PARD3B: variants seen among roughly 807,000 people sequenced by gnomAD.
PARD3B encodes par-3 family cell polarity regulator beta, also known as partitioning defective 3 homolog B.
Under a neutral mutation model 130.2 loss-of-function variants are expected in PARD3B, and 103 were observed. The observed-to-expected ratio is 0.79, with a 90% CI of 0.67 to 0.93. The LOEUF (loss-of-function observed/expected upper bound fraction) is 0.93. Among genes scored for constraint, PARD3B ranks in the 40% least tolerant of loss-of-function variants. PARD3B has a pLI of 0.00. For synonymous variants in PARD3B, 583 were observed against 553.2 expected, an observed-to-expected ratio of 1.05 and a Z score of -0.76; for missense variants, 1,609 against 1,499.2, an observed-to-expected ratio of 1.07 and a Z score of -1.21.
chr2:204,586,956 A>G (rs1321061810), intron 1 of PARD3B, among the ~76,000 whole-genome samples: 1 of 152,210 alleles, frequency 6.6e-6, no homozygotes, highest in African/African-American at 2.4e-5. Context: ...ATTGCCGTCC[A>G]GAAAAATCTA....
chr2:205,543,359 GAA>G (rs1335456092), intron 21 of PARD3B, among the ~76,000 whole-genome samples: 2 of 152,098 alleles, frequency 1.3e-5, no homozygotes, highest in Non-Finnish European at 2.9e-5. Context: ...CCAGCTATAA[GAA>G]ATAAATATTA....
chr2:204,981,211 T>C (rs1188894127), intron 3 of PARD3B, among the ~76,000 whole-genome samples: 1 of 152,056 alleles, frequency 6.6e-6, no homozygotes, highest in Non-Finnish European at 1.5e-5. Flanking sequence ...GCCATTTCAG[T>C]CCTAGGTAAC....
intron 1 of PARD3B, among the ~76,000 whole-genome samples, chr2:204,598,940 A>G (rs1354153866): frequency 1.3e-5 from 2 of 152,040 alleles, no homozygotes; most frequent in Non-Finnish European, 2.9e-5. Context: ...CTTTTCATCA[A>G]TATGGAAGAT....
chr2:204,756,837 T>A (rs750841439), intron 2 of PARD3B, among the ~76,000 whole-genome samples: 2 of 152,104 alleles, frequency 1.3e-5, no homozygotes, highest in Non-Finnish European at 2.9e-5. Context: ...ACTCTGAGGT[T>A]TGGGCTTCTA....
At chr2:204,622,963 A>T (rs1435969005) in intron 1 of PARD3B, among the ~76,000 whole-genome samples, 1 of 151,860 alleles carries the variant, frequency 6.6e-6, no homozygotes, top group African/African-American at 2.4e-5. Flanking sequence ...AGTATGTTTG[A>T]TACGTTCCCA....
At chr2:205,490,235 G>A (rs2049641712) in intron 20 of PARD3B, among the ~76,000 whole-genome samples, 1 of 151,918 alleles carries the variant, frequency 6.6e-6, no homozygotes, top group South Asian at 2.1e-4. Context: ...TTAACATTAG[G>A]TGTATCTCCT....
In PARD3B at chr2:205,263,312, A is replaced by AACAATTAAGATCAAGTGATT. The variant is rs1553652727; in HGVS notation, c.2185+17490_2185+17491insACAATTAAGATCAAGTGATT. Among the ~76,000 whole-genome samples, 180 of 151,740 alleles carry AACAATTAAGATCAAGTGATT rather than the reference A, an allele frequency of 1.2e-3. 4 individuals are homozygous for AACAATTAAGATCAAGTGATT. The highest frequency in any genetic ancestry group is 1.3e-3 in the Non-Finnish European group (89 of 67,802). ...AGGTGGTGGGGCAAAAACAGTGGGA[A>AACAATTAAGATCAAGTGATT]TATATGGAAGCAGCAAGGAACATAA... On this transcript the variant is annotated intron_variant, in intron 16 of 22. Transcript: ENST00000406610. This position sits in a 1 kb window ranked among gnomAD's most constrained non-coding sequence, Gnocchi z 4.0.
chr2:204,721,185 T>C (rs1160947279), intron 2 of PARD3B, among the ~76,000 whole-genome samples: 3 of 152,188 alleles, frequency 2.0e-5, no homozygotes, highest in African/African-American at 7.2e-5. Context: ...GAATAAATAT[T>C]GAGGGAGACA....
Position 205,405,721 on chromosome 2 carries a change from G to A in PARD3B, c.2741+4598G>A, listed in dbSNP as rs193141929. ...AACTTCAGGGGTTGACAATATGTCC[G>A]ATGACAGAATCAGCAGGAACAATGG... On this transcript the variant is annotated intron_variant, in intron 19 of 22. Coordinates refer to ENST00000406610, the MANE Select transcript of PARD3B (RefSeq NM_001302769.2). The surrounding 1 kb of genome is among the most constrained non-coding windows in gnomAD (Gnocchi z 4.1). Among the ~76,000 whole-genome samples the A allele has an allele frequency of 3.9e-5, 6 of 152,290 alleles. No homozygotes were observed. Among genetic ancestry groups the A allele is most frequent in the African/African-American group, 7.2e-5 (3 of 41,570 alleles).
At chr2:205,214,596 C>T (rs1032997796) in intron 15 of PARD3B, among the ~76,000 whole-genome samples, 7 of 151,890 alleles carry the variant, frequency 4.6e-5, no homozygotes, top group African/African-American at 1.2e-4. Flanking sequence ...AATGTAGCTT[C>T]ATAATTTATG....
chr2:204,707,622 G>A (rs1559076022), intron 2 of PARD3B, among the ~76,000 whole-genome samples: 1 of 152,032 alleles, frequency 6.6e-6, no homozygotes, highest in African/African-American at 2.4e-5. Context: ...GTGTGTTTGT[G>A]CATACACACA....
chr2:205,251,581 T>C (rs1000036320), intron 16 of PARD3B, among the ~76,000 whole-genome samples: 2 of 152,126 alleles, frequency 1.3e-5, no homozygotes, highest in East Asian at 3.8e-4. Context: ...AGTTATTAAA[T>C]GACATTTCAT....
intron 4 of PARD3B, among the ~76,000 whole-genome samples, chr2:205,073,253 C>T (rs1700848922): frequency 6.6e-6 from 1 of 152,094 alleles, no homozygotes. Flanking sequence ...GTGTAAACAG[C>T]AGTTTTCCTG....
chr2:204,860,487 A>G (rs1346737632), intron 2 of PARD3B, among the ~76,000 whole-genome samples: 1 of 152,218 alleles, frequency 6.6e-6, no homozygotes, highest in African/African-American at 2.4e-5. Flanking sequence ...CAACAAAGAG[A>G]CTTTTGGCTA....
rs1392717972 is a variant in PARD3B at position 204,993,937 on chromosome 2, A to AT, written c.394+28620dup. Among the ~76,000 whole-genome samples the AT allele has an allele frequency of 2.0e-5, 3 of 151,748 alleles. No individual in the cohort carries two copies. In the South Asian group the frequency reaches 6.2e-4, roughly 32 times the overall value. On this transcript the variant is annotated intron_variant, in intron 3 of 22. Coordinates refer to ENST00000406610, the MANE Select transcript of PARD3B (RefSeq NM_001302769.2). Reference sequence around the variant, plus strand: ...GATCGGTGGTGATATCCCCTTTATCATTTTTTATTGCATCTATTTGATTCA... The same window carrying AT: ...GATCGGTGGTGATATCCCCTTTATCATTTTTTTATTGCATCTATTTGATTCA...
intron 2 of PARD3B, among the ~76,000 whole-genome samples, chr2:204,861,049 C>A (rs1477147012): frequency 6.6e-6 from 1 of 152,096 alleles, no homozygotes. Context: ...AATTTGTTTT[C>A]TGGAATCTCT....
chr2:204,844,682 A>T (rs2044393092), intron 2 of PARD3B, among the ~76,000 whole-genome samples: 1 of 152,162 alleles, frequency 6.6e-6, no homozygotes, highest in African/African-American at 2.4e-5. Context: ...TGACCAAATG[A>T]TAAAGCATTG....
At chr2:205,256,129 C>T (rs1013224241) in intron 16 of PARD3B, among the ~76,000 whole-genome samples, 4 of 151,924 alleles carry the variant, frequency 2.6e-5, no homozygotes, top group Non-Finnish European at 2.9e-5. Flanking sequence ...GAGAGGAAAA[C>T]CAAATATATA....
chr2:205,425,289 T>C (rs2047105804), intron 19 of PARD3B, among the ~76,000 whole-genome samples: 1 of 152,218 alleles, frequency 6.6e-6, no homozygotes, highest in South Asian at 2.1e-4. Context: ...GAGAAACTTG[T>C]CTACATTATG....
Sources: allele counts gnomAD v4.1 joint callset (sites outside exome capture counted in the v4.1 genomes callset), GRCh38; gene constraint gnomAD v4.1.1; non-coding constraint Gnocchi (gnomAD v3.1); transcripts MANE v1.5; gene names NCBI Gene and HGNC (gene_info 2026-07-23, HGNC 2026-07-21).